MMP26: variants seen among roughly 807,000 people sequenced by gnomAD.
The protein encoded by MMP26 is matrix metalloproteinase-26.
A neutral mutation model predicts 31.0 loss-of-function variants in MMP26; 33 were observed. The ratio of observed to expected loss-of-function variants is 1.06; its 90% CI spans 0.81 to 1.42. MMP26 has a LOEUF of 1.42. Among genes scored for constraint, MMP26 ranks in the 40% most tolerant of loss-of-function variants. MMP26 has a pLI of 0.00. For missense variants in MMP26, 347 were observed against 316.1 expected, an observed-to-expected ratio of 1.10 and a Z score of -0.74; for synonymous variants, 122 against 114.9, an observed-to-expected ratio of 1.06 and a Z score of -0.40.
At chr11:4,974,400 T>C (rs1846708558) in intron 2 of MMP26, among the ~76,000 whole-genome samples, 1 of 152,070 alleles carries the variant, frequency 6.6e-6, no homozygotes, top group African/African-American at 2.4e-5. Context: ...AGTGTCTTCG[T>C]TGTAAACATG....
chr11:4,724,542 G>A (rs372288454), intron 1 of MMP26, among the ~76,000 whole-genome samples: 5 of 152,258 alleles, frequency 3.3e-5, no homozygotes, highest in Middle Eastern at 3.4e-3. Flanking sequence ...CTTGTGAAAC[G>A]CAAGGATTAG....
At chr11:4,801,297 G>A (rs557606301) in intron 2 of MMP26, among the ~76,000 whole-genome samples, 5 of 151,956 alleles carry the variant, frequency 3.3e-5, no homozygotes, top group African/African-American at 4.8e-5. Flanking sequence ...ATTGCATCAC[G>A]ATAAAAAAAT....
intron 1 of MMP26, chr11:4,711,208 C>G (rs1239320538): frequency 1.3e-5 from 2 of 151,908 alleles, no homozygotes; most frequent in African/African-American, 4.8e-5. Flanking sequence ...GGGTACTGAC[C>G]TAATAAAACA....
At chr11:4,825,421 A>G (rs17249695) in intron 2 of MMP26, among the ~76,000 whole-genome samples, 15,943 of 152,138 alleles carry the variant, frequency 0.1, 1,018 homozygotes, top group Middle Eastern at 0.17. Context: ...AGAGCTGTAT[A>G]ATCTATGTCT....
At chr11:4,757,904 G>T (rs181844308) in intron 1 of MMP26, among the ~76,000 whole-genome samples, 22 of 152,058 alleles carry the variant, frequency 1.4e-4, no homozygotes, top group African/African-American at 4.3e-4. Flanking sequence ...CATTGCTTGT[G>T]GACATGAAAA....
At chr11:4,869,288 G>C (rs990240511) in intron 2 of MMP26, among the ~76,000 whole-genome samples, 2 of 152,084 alleles carry the variant, frequency 1.3e-5, no homozygotes, top group African/African-American at 4.8e-5. Flanking sequence ...GCAACCTACA[G>C]AATGGGAGAA....
chr11:4,767,892 C>A (rs539873441), intron 2 of MMP26, among the ~76,000 whole-genome samples: 4 of 152,112 alleles, frequency 2.6e-5, no homozygotes, highest in Non-Finnish European at 5.9e-5. Flanking sequence ...CCATTATATG[C>A]AATTGACATT....
At chr11:4,943,648 C>G in intron 2 of MMP26, 1 of 364,056 alleles carries the variant, frequency 2.7e-6, no homozygotes, top group South Asian at 2.1e-5. Context: ...AAGATGTCCC[C>G]AGACATTGCC....
chr11:4,915,279 CA>C, intron 2 of MMP26: 2 of 1,613,864 alleles, frequency 1.2e-6, no homozygotes, highest in Non-Finnish European at 1.7e-6. Context: ...CAGATAGCCA[CA>C]AAGCGGTCAA....
At chr11:4,763,768 C>T (rs1490839097) in intron 1 of MMP26, among the ~76,000 whole-genome samples, 1 of 152,128 alleles carries the variant, frequency 6.6e-6, no homozygotes, top group Admixed American at 6.5e-5. Context: ...AGACAAGCTG[C>T]TGTAGATTTT....
chr11:4,975,188 A>T (rs1412736787), intron 2 of MMP26, among the ~76,000 whole-genome samples: 2 of 152,020 alleles, frequency 1.3e-5, no homozygotes, highest in Admixed American at 6.6e-5. Context: ...AACAAACAAA[A>T]CACAAGAAAA....
chr11:4,776,049 C>G (rs1848787433), intron 2 of MMP26, among the ~76,000 whole-genome samples: 1 of 152,142 alleles, frequency 6.6e-6, no homozygotes, highest in Non-Finnish European at 1.5e-5. Flanking sequence ...ACACCCAGTA[C>G]TTGACTTTAT....
At chr11:4,804,550 A>G (rs1264227799) in intron 2 of MMP26, 1 of 779,186 alleles carries the variant, frequency 1.3e-6, no homozygotes, top group Non-Finnish European at 2.4e-6. Flanking sequence ...AATAAATAAT[A>G]TGTTACAACA....
intron 1 of MMP26, among the ~76,000 whole-genome samples, chr11:4,754,059 T>G (rs1231452651): frequency 6.6e-6 from 1 of 151,908 alleles, no homozygotes; most frequent in East Asian, 1.9e-4. Context: ...TTACATAGAC[T>G]ATTTCATTTG....
intron 2 of MMP26, among the ~76,000 whole-genome samples, chr11:4,886,555 A>G (rs968847366): frequency 6.6e-6 from 1 of 151,836 alleles, no homozygotes. Context: ...ATTGTTTTTC[A>G]ATAAATACAT....
At chr11:4,784,143 T>C (rs1193390458) in intron 2 of MMP26, among the ~76,000 whole-genome samples, 1 of 152,210 alleles carries the variant, frequency 6.6e-6, no homozygotes, top group African/African-American at 2.4e-5. Flanking sequence ...ACTGAAGTCA[T>C]CTGAAGGCCT....
At chr11:4,768,411 T>C (rs2133418374) in intron 2 of MMP26, among the ~76,000 whole-genome samples, 1 of 152,352 alleles carries the variant, frequency 6.6e-6, no homozygotes, top group East Asian at 1.9e-4. Context: ...TTACTACAAC[T>C]TTTTAAGACA....
chr11:4,820,168 G>A (rs1849475896), intron 2 of MMP26, among the ~76,000 whole-genome samples: 1 of 152,136 alleles, frequency 6.6e-6, no homozygotes, highest in Non-Finnish European at 1.5e-5. Flanking sequence ...CAGCTTTACT[G>A]AGTGAAGGCA....
intron 2 of MMP26, among the ~76,000 whole-genome samples, chr11:4,781,591 A>C (rs1333480720): frequency 6.5e-5 from 4 of 61,184 alleles, no homozygotes; most frequent in Non-Finnish European, 1.2e-4. Context: ...AAAAAAAAAA[A>C]AAAAAAAAAA....
Sources: allele counts gnomAD v4.1 joint callset (sites outside exome capture counted in the v4.1 genomes callset), GRCh38; gene constraint gnomAD v4.1.1; transcripts MANE v1.5; gene names NCBI Gene and HGNC (gene_info 2026-07-23, HGNC 2026-07-21).